The following LRRK1 variants were observed in gnomAD, a reference collection of about 807,000 sequenced individuals.
LRRK1 encodes leucine-rich repeat serine/threonine-protein kinase 1.
A neutral mutation model predicts 209.1 loss-of-function variants in LRRK1; 113 were observed. That is an observed-to-expected ratio of 0.54 (90% CI 0.46 to 0.63). LRRK1 has a LOEUF of 0.63. LRRK1 is among the 30% of genes least tolerant of loss of function. The pLI is 0.00. For synonymous variants in LRRK1, 1,144 were observed against 1,099.7 expected (o/e 1.04, Z -0.80); for missense variants, 2,284 against 2,632.2 (o/e 0.87, Z 2.89).
intron 6 of LRRK1, chr15:100,989,759 A>G (rs1029163865): frequency 1.2e-5 from 4 of 324,524 alleles, no homozygotes; most frequent in African/African-American, 6.3e-5. Flanking sequence ...ACATTTCATC[A>G]TGAGTTTTGA....
intron 2 of LRRK1, among the ~76,000 whole-genome samples, chr15:100,964,410 C>G (rs1305991250): frequency 6.6e-6 from 1 of 152,168 alleles, no homozygotes; most frequent in Non-Finnish European, 1.5e-5. Flanking sequence ...GCTGGCAAAG[C>G]TAGGGCAACA....
chr15:100,972,363 A>AGAGAGAGTGT (rs1176201849), intron 2 of LRRK1, among the ~76,000 whole-genome samples: 105 of 98,498 alleles, frequency 1.1e-3, no homozygotes, highest in Non-Finnish European at 1.7e-3. Context: ...AGAGAGAGAG[A>AGAGAGAGTGT]GTGTGTGTGT....
At chr15:100,995,560 A>T (rs2032365690) in intron 6 of LRRK1, among the ~76,000 whole-genome samples, 1 of 152,200 alleles carries the variant, frequency 6.6e-6, no homozygotes, top group South Asian at 2.1e-4. Flanking sequence ...TTGCCTGAAC[A>T]TCTAATGAGA....
In LRRK1 at chr15:101,029,104, G is replaced by A; in HGVS notation, c.2835G>A (p.Lys945=). The part of the protein sequence containing the change: ...FNIKGSRSVA[K]NGVIRAEDLR... The stretch of plus-strand genomic sequence containing the variant: ...TTAAGGGCTCTCGGTCAGTGGCCAA[G>A]AATGGGGTGATCAGAGCAGAAGACC... Residue 945 remains lysine (K), a synonymous_variant, in exon 20 of 34, where the codon AAG becomes AAA. Transcript: ENST00000388948. 1.9e-6 allele frequency: 3 copies of A among 1,614,222 alleles called. No homozygotes were observed. The highest frequency in any genetic ancestry group is 2.5e-6 in the Non-Finnish European group (3 of 1,180,040).
At chr15:101,055,448 C>T (rs1180897548) in intron 27 of LRRK1, among the ~76,000 whole-genome samples, 1 of 152,160 alleles carries the variant, frequency 6.6e-6, no homozygotes, top group Non-Finnish European at 1.5e-5. Context: ...TAGCATCAGC[C>T]TTCTCAGACC....
intron 6 of LRRK1, among the ~76,000 whole-genome samples, chr15:101,002,574 C>G (rs1304126396): frequency 1.3e-5 from 2 of 152,094 alleles, no homozygotes; most frequent in Non-Finnish European, 2.9e-5. Flanking sequence ...TGTAGTTTAG[C>G]CTTCATGGAT....
chr15:100,950,874 C>A (rs575912126), intron 2 of LRRK1, among the ~76,000 whole-genome samples: 1 of 152,172 alleles, frequency 6.6e-6, no homozygotes, highest in Non-Finnish European at 1.5e-5. Context: ...GAGGCCAAGG[C>A]GGGCAGATCA....
At position 101,008,988 on chromosome 15, in the gene LRRK1, G is replaced by T; in HGVS notation, c.914G>T (p.Arg305Leu). The T allele has an allele frequency of 6.2e-7, 1 of 1,614,088 alleles. No individual in the cohort carries two copies. Among genetic ancestry groups the T allele is most frequent in the Non-Finnish European group, 8.5e-7 (1 of 1,180,006 alleles). ...ATCCCCTGGGGCCTCATCAATCTCC[G>T]GAAGCTGAACCTCTCCGACAACCAC... Reference protein sequence around the residue: ...SVIPWGLINLRKLNLSDNHLG... With the variant: ...SVIPWGLINLLKLNLSDNHLG... Residue 305 changes from arginine to leucine, a missense_variant, in exon 7 of 34, where the codon CGG (arginine) becomes CTG (leucine). Coordinates refer to ENST00000388948, the MANE Select transcript of LRRK1 (RefSeq NM_024652.6).
At chr15:101,008,651 G>A (rs1366338186) in intron 6 of LRRK1, among the ~76,000 whole-genome samples, 186 bp from the exon 7 acceptor site, 1 of 152,232 alleles carries the variant, frequency 6.6e-6, no homozygotes, top group Non-Finnish European at 1.5e-5. Flanking sequence ...ATGGGAACAG[G>A]TAGCTCTTCT....
At chr15:101,011,199 T>C (rs1188291006) in intron 9 of LRRK1, among the ~76,000 whole-genome samples, 1 of 152,042 alleles carries the variant, frequency 6.6e-6, no homozygotes, top group African/African-American at 2.4e-5. Context: ...CCGGGCGCTA[T>C]GGCTCATGCC....
rs1171860478 is a variant in LRRK1 at position 101,076,921 on chromosome 15, C to T, written c.*8073C>T. The T allele has an allele frequency of 2.6e-5, 4 of 152,216 alleles. No homozygotes were observed. The highest frequency in any genetic ancestry group is 2.0e-4 in the Admixed American group (3 of 15,282). The allele number at this position is 152,216 out of a possible 1,614,324, so 9.4% of individuals were successfully genotyped here. On this transcript the variant is annotated 3_prime_UTR_variant, in exon 34 of 34. Transcript: ENST00000388948. The stretch of plus-strand genomic sequence containing the variant: ...GTCAAACATAATTCCTCGGTTTGGC[C>T]TTCCCACCTCTATACTGTCTGATAA...
At chr15:101,062,965 C>T (rs1567285887) in intron 31 of LRRK1, among the ~76,000 whole-genome samples, 2 of 152,148 alleles carry the variant, frequency 1.3e-5, no homozygotes, top group African/African-American at 4.8e-5. Context: ...GGTGGAAGGA[C>T]TGTTGGTACA....
intron 9 of LRRK1, 94 bp from the exon 10 acceptor site, chr15:101,011,914 C>T: frequency 1.2e-6 from 1 of 865,638 alleles, no homozygotes; most frequent in Non-Finnish European, 1.8e-6. Context: ...TGTAATGGTC[C>T]ATTTTTAACA....
At chr15:100,974,775 A>G (rs1169576674) in intron 3 of LRRK1, among the ~76,000 whole-genome samples, 1 of 152,230 alleles carries the variant, frequency 6.6e-6, no homozygotes, top group Non-Finnish European at 1.5e-5. Flanking sequence ...AAGTTTTGGA[A>G]TACATGCCAA....
Position 101,066,219 on chromosome 15 carries a change from G to C in LRRK1, c.5768+14G>C. The C allele has an allele frequency of 6.3e-7, 1 of 1,590,692 alleles. No individual in the cohort carries two copies. The highest frequency in any genetic ancestry group is 8.6e-7 in the Non-Finnish European group (1 of 1,168,564). On this transcript the variant is annotated intron_variant, in intron 32 of 33. Transcript: ENST00000388948. ...TTGGGTCCCCAGGTACGTTTCCCGA[G>C]GTGAGGGCACCATCCAGGGCACGCC...
At chr15:100,965,105 AG>A (rs1453897947) in intron 2 of LRRK1, among the ~76,000 whole-genome samples, 13 of 151,808 alleles carry the variant, frequency 8.6e-5, no homozygotes, top group Non-Finnish European at 1.2e-4. Flanking sequence ...CGGTTGTCAC[AG>A]CCAGCATTAC....
chr15:101,004,847 T>C (rs2032867561), intron 6 of LRRK1, among the ~76,000 whole-genome samples: 2 of 152,208 alleles, frequency 1.3e-5, no homozygotes, highest in South Asian at 2.1e-4. Context: ...TTCCCCAAGG[T>C]ATTTGTACCA....
At chr15:100,921,923 G>T (rs1356076917) in intron 1 of LRRK1, among the ~76,000 whole-genome samples, 1 of 151,946 alleles carries the variant, frequency 6.6e-6, no homozygotes, top group African/African-American at 2.4e-5. Context: ...TTACCATATT[G>T]GCCAGGGTGA....
chr15:101,055,506 A>G (rs1047560519), intron 27 of LRRK1, among the ~76,000 whole-genome samples: 3 of 152,188 alleles, frequency 2.0e-5, no homozygotes, highest in Admixed American at 6.5e-5. Context: ...TGAAGAGTCC[A>G]AGAGAGAAAC....
Sources: allele counts gnomAD v4.1 joint callset (sites outside exome capture counted in the v4.1 genomes callset), GRCh38; gene constraint gnomAD v4.1.1; transcripts MANE v1.5; gene names NCBI Gene and HGNC (gene_info 2026-07-23, HGNC 2026-07-21).